The following MIPOL1 variants were observed in gnomAD, a reference collection of about 807,000 sequenced individuals.
MIPOL1 encodes mirror-image polydactyly 1.
A neutral mutation model predicts 60.9 loss-of-function variants in MIPOL1; 57 were observed. The ratio of observed to expected loss-of-function variants is 0.94; its 90% CI spans 0.76 to 1.17. The LOEUF is 1.17. Among genes scored for constraint, MIPOL1 ranks in the 50% most tolerant of loss-of-function variants. MIPOL1 has a pLI of 0.00. For missense variants in MIPOL1, 551 were observed against 511.6 expected, an observed-to-expected ratio of 1.08 and a Z score of -0.74; for synonymous variants, 179 against 168.8, an observed-to-expected ratio of 1.06 and a Z score of -0.47.
At chr14:37,486,636 A>T (rs1380319181) in intron 11 of MIPOL1, among the ~76,000 whole-genome samples, 1 of 151,988 alleles carries the variant, frequency 6.6e-6, no homozygotes, top group Non-Finnish European at 1.5e-5. Context: ...TTTGTCTGTT[A>T]TTGGTGTATA....
chr14:37,312,340 A>C (rs930798149), intron 9 of MIPOL1, among the ~76,000 whole-genome samples: 7 of 152,060 alleles, frequency 4.6e-5, no homozygotes, highest in African/African-American at 1.7e-4. Context: ...AGAACTCCTG[A>C]CCTCAAATGA....
Position 37,548,253 on chromosome 14 carries a change from A to G in MIPOL1, c.*1282A>G, listed in dbSNP as rs1736126660. Reference sequence around the variant, plus strand: ...AGGATAAGTACATTCAGGACAATTTATTGTACCATTCTTTCATATACCATA... The same window carrying G: ...AGGATAAGTACATTCAGGACAATTTGTTGTACCATTCTTTCATATACCATA... On this transcript the variant is annotated 3_prime_UTR_variant, in exon 13 of 13. Coordinates refer to ENST00000684589, the MANE Select transcript of MIPOL1 (RefSeq NM_001388067.1). 1 of 152,046 alleles carries G rather than the reference A, an allele frequency of 6.6e-6. No individual in the cohort carries two copies. The highest frequency in any genetic ancestry group is 2.4e-5 in the African/African-American group (1 of 41,446). 9.4% of individuals were successfully genotyped at this position (152,046 alleles called of 1,614,324 possible).
intron 11 of MIPOL1, among the ~76,000 whole-genome samples, chr14:37,493,276 A>G (rs2095071277): frequency 6.6e-6 from 1 of 152,234 alleles, no homozygotes; most frequent in East Asian, 1.9e-4. Context: ...TTCAATGAAC[A>G]GGTAGGCAGA....
At chr14:37,343,279 A>C (rs541962239) in intron 9 of MIPOL1, among the ~76,000 whole-genome samples, 27 of 152,194 alleles carry the variant, frequency 1.8e-4, no homozygotes, top group Middle Eastern at 3.4e-3. Context: ...GAAACAAGTT[A>C]CGTTTTCAAG....
rs145783003 is a variant in MIPOL1 at position 37,308,438 on chromosome 14, C to T, written c.747C>T (p.Tyr249=). 5.0e-6 allele frequency: 8 copies of T among 1,605,462 alleles called. No individual in the cohort carries two copies. In the African/African-American group the frequency reaches 5.4e-5, roughly 11 times the overall value. The change falls in exon 9 of 13, where the codon TAC becomes TAT. Residue 249 remains tyrosine, a synonymous_variant. Transcript: ENST00000684589. ...KNGAIIVDRI[Y]KTKECKMRIT... is the part of the protein sequence containing the mutation. ...GAGCTATAATTGTGGATAGAATCTA[C>T]AAGACCAAGGAATGTAAAATGAGAA...
chr14:37,452,458 T>G (rs1036998466), intron 11 of MIPOL1, among the ~76,000 whole-genome samples: 8 of 152,206 alleles, frequency 5.3e-5, no homozygotes, highest in Non-Finnish European at 1.0e-4. Flanking sequence ...GCAACAATTT[T>G]TAATGCAAGT....
intron 10 of MIPOL1, among the ~76,000 whole-genome samples, chr14:37,422,632 T>G (rs1204728900): frequency 6.6e-6 from 1 of 151,970 alleles, no homozygotes; most frequent in Non-Finnish European, 1.5e-5. Context: ...GGTTGAAGTT[T>G]AGTAATGAGC....
At chr14:37,328,829 A>AGT (rs2089428695) in intron 9 of MIPOL1, among the ~76,000 whole-genome samples, 1 of 152,176 alleles carries the variant, frequency 6.6e-6, no homozygotes, top group Non-Finnish European at 1.5e-5. Flanking sequence ...CTGAAGTAAC[A>AGT]GTGTGTGAGA....
chr14:37,404,085 AT>A (rs1263212316), intron 10 of MIPOL1, among the ~76,000 whole-genome samples: 1 of 152,166 alleles, frequency 6.6e-6, no homozygotes, highest in Non-Finnish European at 1.5e-5. Context: ...AATTAATGGT[AT>A]TTTATCAGTA....
chr14:37,445,740 A>G (rs1392962211), intron 11 of MIPOL1, among the ~76,000 whole-genome samples: 10 of 151,906 alleles, frequency 6.6e-5, no homozygotes, highest in Non-Finnish European at 1.3e-4. Flanking sequence ...GATCAATGGA[A>G]CAGAACAGAG....
chr14:37,337,868 C>G (rs1002109336), intron 9 of MIPOL1, among the ~76,000 whole-genome samples: 3 of 151,950 alleles, frequency 2.0e-5, no homozygotes, highest in Non-Finnish European at 4.4e-5. Context: ...ATATGCAGCA[C>G]AGAAGTTTTT....
intron 12 of MIPOL1, among the ~76,000 whole-genome samples, chr14:37,542,427 A>C (rs542580286): frequency 6.6e-6 from 1 of 152,208 alleles, no homozygotes; most frequent in Non-Finnish European, 1.5e-5. Context: ...AAAATGTAGT[A>C]TGGCCTACCT....
In MIPOL1 at chr14:37,451,808, C is replaced by CTTTTTTTTTTTT. The variant is rs535978128; in HGVS notation, c.1031+28872_1031+28883dup. On this transcript the variant is annotated intron_variant, in intron 11 of 12. Coordinates refer to ENST00000684589, the MANE Select transcript of MIPOL1 (RefSeq NM_001388067.1). ...CTTAAGGTTCTTTTGTTTATTCTCT[C>CTTTTTTTTTTTT]TTTTTTTTTTTTTTTTTTTTTTTTG... Among the ~76,000 whole-genome samples, 23 of 84,570 alleles carry CTTTTTTTTTTTT rather than the reference C, an allele frequency of 2.7e-4. 3 individuals carry two copies. The highest frequency in any genetic ancestry group is 1.3e-3 in the African/African-American group (20 of 15,754). 55.5% of individuals were successfully genotyped at this position (84,570 alleles called of 152,430 possible).
chr14:37,492,894 T>C (rs2095065703), intron 11 of MIPOL1, among the ~76,000 whole-genome samples: 1 of 152,040 alleles, frequency 6.6e-6, no homozygotes, highest in African/African-American at 2.4e-5. Context: ...GTGACAAAAA[T>C]GTCTTCAGAT....
intron 11 of MIPOL1, among the ~76,000 whole-genome samples, chr14:37,446,494 A>G (rs112195206): frequency 0.23 from 34,655 of 152,050 alleles, 4,491 homozygotes; most frequent in South Asian, 0.36. Flanking sequence ...AACTAGTTCA[A>G]CCATTGTGGA....
chr14:37,519,715 T>C (rs2095398448), intron 12 of MIPOL1, among the ~76,000 whole-genome samples: 1 of 152,098 alleles, frequency 6.6e-6, no homozygotes, highest in African/African-American at 2.4e-5. Context: ...CCTAGTTTAG[T>C]CTCTTTAAAA....
intron 1 of MIPOL1, among the ~76,000 whole-genome samples, chr14:37,217,365 AGAG>A (rs1242826089): frequency 2.0e-5 from 3 of 152,218 alleles, no homozygotes; most frequent in Admixed American, 2.0e-4. Context: ...TCTGAAAAAT[AGAG>A]GAGGAGGGAA....
At chr14:37,419,492 A>G (rs1350850845) in intron 10 of MIPOL1, among the ~76,000 whole-genome samples, 1 of 152,214 alleles carries the variant, frequency 6.6e-6, no homozygotes, top group Non-Finnish European at 1.5e-5. Flanking sequence ...TTATGACTCA[A>G]TAAGTCTGAC....
At chr14:37,275,331 T>C (rs1484140918) in intron 6 of MIPOL1, among the ~76,000 whole-genome samples, 1 of 151,210 alleles carries the variant, frequency 6.6e-6, no homozygotes, top group Non-Finnish European at 1.5e-5. Context: ...GGGGATGTTT[T>C]AGAGAAGCAG....
Sources: gnomAD v4.1 joint callset for allele counts (sites outside exome capture counted in the v4.1 genomes callset) on GRCh38, gnomAD v4.1.1 for gene constraint, MANE v1.5 for transcripts, NCBI Gene and HGNC (gene_info 2026-07-23, HGNC 2026-07-21) for gene names.